The following IL1RAP variants were observed in gnomAD, a reference collection of about 807,000 sequenced individuals.
IL1RAP encodes the protein interleukin 1 receptor accessory protein, also known as interleukin-1 receptor accessory protein.
Under a neutral mutation model 60.7 loss-of-function variants are expected in IL1RAP, and 35 were observed. The ratio of observed to expected loss-of-function variants is 0.58; its 90% CI spans 0.44 to 0.76. The LOEUF (loss-of-function observed/expected upper bound fraction) is 0.76, where lower values mean the gene tolerates loss of function less well. IL1RAP is among the 30% of genes least tolerant of loss of function. The pLI is 0.00. For missense variants in IL1RAP, 572 were observed against 693.9 expected (o/e 0.82, Z 1.97); for synonymous variants, 268 against 250.9 (o/e 1.07, Z -0.64).
chr3:190,577,032 C>G (rs947413487), intron 3 of IL1RAP, among the ~76,000 whole-genome samples: 2 of 137,170 alleles, frequency 1.5e-5, no homozygotes, highest in Non-Finnish European at 3.0e-5. Context: ...ACCCGGGAGG[C>G]GGAGCTTGCA....
At position 190,648,625 on chromosome 3, in the gene IL1RAP, G is replaced by GC. The variant is rs754270483; in HGVS notation, c.1635dup (p.Met546HisfsTer11). ...CAGGTTCTGGAAGCAGCTGCAGGTG[G>GC]CCATGCCAGTGAAGAAAAGTCCCAG... On this transcript the variant is annotated frameshift_variant, in exon 12 of 12. Coordinates refer to ENST00000447382, the MANE Select transcript of IL1RAP (RefSeq NM_002182.4). LOFTEE classifies it high-confidence loss of function. 6.2e-7 allele frequency: 1 copy of GC among 1,614,164 alleles called. No homozygotes were observed. Among genetic ancestry groups the GC allele is most frequent in the East Asian group, 2.2e-5 (1 of 44,878 alleles).
intron 1 of IL1RAP, among the ~76,000 whole-genome samples, chr3:190,535,736 G>A (rs1163935310): frequency 6.6e-6 from 1 of 152,192 alleles, no homozygotes; most frequent in African/African-American, 2.4e-5. Flanking sequence ...TAAGATTCAT[G>A]TATCCTGGCT....
downstream of IL1RAP, among the ~76,000 whole-genome samples, chr3:190,652,588 T>C (rs1734451775): frequency 6.6e-6 from 1 of 152,178 alleles, no homozygotes; most frequent in South Asian, 2.1e-4. Flanking sequence ...AAGTGTAGGC[T>C]TAGGATCAAC....
chr3:190,635,113 G>A (rs1733119018), intron 9 of IL1RAP, among the ~76,000 whole-genome samples: 1 of 151,992 alleles, frequency 6.6e-6, no homozygotes, highest in African/African-American at 2.4e-5. Flanking sequence ...GGCTTTCAAG[G>A]CATTTTTTTC....
intron 4 of IL1RAP, among the ~76,000 whole-genome samples, chr3:190,608,482 G>A (rs754829418): frequency 6.6e-6 from 1 of 152,160 alleles, no homozygotes; most frequent in African/African-American, 2.4e-5. Flanking sequence ...GAGAGTAGGT[G>A]AGTGAGCAGT....
chr3:190,621,012 G>C (rs1457710181), intron 6 of IL1RAP, among the ~76,000 whole-genome samples: 1 of 152,108 alleles, frequency 6.6e-6, no homozygotes, highest in East Asian at 1.9e-4. Flanking sequence ...TAGGAAAGTG[G>C]GAAAGGCAAT....
chr3:190,564,471 G>C, intron 3 of IL1RAP, 118 bp downstream of exon 3: 3 of 727,850 alleles, frequency 4.1e-6, no homozygotes, highest in Non-Finnish European at 7.5e-6. Flanking sequence ...ATTGTCTTCT[G>C]CGGTAGCAAA....
rs371108851 is a variant in IL1RAP, at chr3:190,577,075, T to C, written c.64+12722T>C. On this transcript the variant is annotated intron_variant, in intron 3 of 11. Transcript: ENST00000447382. ...GAGATCGCGCCACCGCACTCCCGCC[T>C]GGGCGACAGAGCGAGACTCCGTCTC... Among the ~76,000 whole-genome samples the C allele has an allele frequency of 3.5e-3, 426 of 122,530 alleles. 3 individuals carry two copies. The highest frequency in any genetic ancestry group is 0.013 in the African/African-American group (409 of 30,808). 80.4% of individuals were successfully genotyped at this position (122,530 alleles called of 152,430 possible).
intron 2 of IL1RAP, among the ~76,000 whole-genome samples, chr3:190,560,578 G>A (rs1203333169): frequency 6.6e-6 from 1 of 152,180 alleles, no homozygotes; most frequent in African/African-American, 2.4e-5. Context: ...GAAACTGAGG[G>A]ACAAATCCAG....
intron 4 of IL1RAP, among the ~76,000 whole-genome samples, chr3:190,606,120 C>T (rs183901180): frequency 6.6e-6 from 1 of 152,110 alleles, no homozygotes; most frequent in Admixed American, 6.6e-5. Context: ...CTCTGAAGGT[C>T]CTTCTGAGGC....
At chr3:190,576,026 A>T (rs758418919) in intron 3 of IL1RAP, among the ~76,000 whole-genome samples, 1 of 151,518 alleles carries the variant, frequency 6.6e-6, no homozygotes, top group African/African-American at 2.4e-5. Flanking sequence ...GAGGAAGGAG[A>T]TATATTTAAA....
intron 3 of IL1RAP, among the ~76,000 whole-genome samples, chr3:190,568,899 A>G (rs1726662214): frequency 6.6e-6 from 1 of 152,234 alleles, no homozygotes; most frequent in South Asian, 2.1e-4. Flanking sequence ...AGTAAGAGGA[A>G]TTTCTTATTT....
intron 3 of IL1RAP, among the ~76,000 whole-genome samples, chr3:190,591,682 C>A (rs1158421264): frequency 6.6e-6 from 1 of 152,152 alleles, no homozygotes; most frequent in Non-Finnish European, 1.5e-5. Context: ...CTAGCACTCA[C>A]AGGATCCTGA....
chr3:190,575,596 G>A (rs563504673), intron 3 of IL1RAP, among the ~76,000 whole-genome samples: 48 of 152,324 alleles, frequency 3.2e-4, no homozygotes, highest in African/African-American at 1.1e-3. Flanking sequence ...TTGGGTTGCA[G>A]GAGCTTTGAG....
In IL1RAP at chr3:190,630,174, T is replaced by C. The variant is rs778817606; in HGVS notation, c.1051+676T>C. On this transcript the variant is annotated intron_variant, in intron 9 of 11. Transcript: ENST00000447382. ...GCCACAATTGCTAAAATGAAAATCATTTAAATTATGATTTTAAATGGTATA... is the reference window on the plus strand; with the variant it reads ...GCCACAATTGCTAAAATGAAAATCACTTAAATTATGATTTTAAATGGTATA... The C allele has an allele frequency of 3.0e-4, 232 of 774,492 alleles. No homozygotes were observed. The Admixed American group carries it at 3.4e-3, about 11-fold the overall frequency. The allele number at this position is 774,492 out of a possible 1,614,324, so 48.0% of individuals were successfully genotyped here. A position where few individuals can be genotyped will look rare whatever the true frequency, so the allele number is the denominator to read the frequency against.
intron 11 of IL1RAP, 108 bp from the exon 12 acceptor site, chr3:190,648,230 T>C: frequency 1.4e-6 from 2 of 1,407,842 alleles, no homozygotes; most frequent in South Asian, 2.9e-5. Flanking sequence ...ATGTTTCACC[T>C]CAATTCTTAG....
At chr3:190,519,300 G>A (rs1278086129) in intron 1 of IL1RAP, among the ~76,000 whole-genome samples, 3 of 152,166 alleles carry the variant, frequency 2.0e-5, no homozygotes, top group Non-Finnish European at 2.9e-5. Context: ...CCCTGGAGAT[G>A]TATTTTTCTG....
At chr3:190,623,269 T>G (rs186637986) in intron 6 of IL1RAP, 75 bp from the exon 7 acceptor site, 1 of 1,130,166 alleles carries the variant, frequency 8.8e-7, no homozygotes, top group Non-Finnish European at 1.3e-6. Flanking sequence ...TTAGGCAAGA[T>G]TCAGAGAAGA....
chr3:190,574,608 A>C (rs186230629), intron 3 of IL1RAP, among the ~76,000 whole-genome samples: 1 of 152,300 alleles, frequency 6.6e-6, no homozygotes, highest in East Asian at 1.9e-4. Context: ...CATGTGCCTC[A>C]GAGATTTTTT....
Sources: allele counts gnomAD v4.1 joint callset (sites outside exome capture counted in the v4.1 genomes callset), GRCh38; gene constraint gnomAD v4.1.1; transcripts MANE v1.5; gene names NCBI Gene and HGNC (gene_info 2026-07-23, HGNC 2026-07-21).